Variants in ASH1L observed in about 807,000 individuals in gnomAD.
ASH1L encodes the protein ASH1 like histone lysine methyltransferase.
A neutral mutation model predicts 269.0 loss-of-function variants in ASH1L; 23 were observed. The observed-to-expected ratio is 0.09, with a 90% CI of 0.06 to 0.12. ASH1L has a LOEUF of 0.12. Among genes scored for constraint, ASH1L ranks in the 10% least tolerant of loss-of-function variants. The pLI, the probability that ASH1L is intolerant of heterozygous loss-of-function variation, is 1.00. For missense variants in ASH1L, 2,912 were observed against 3,567.8 expected (o/e 0.82, Z 4.68); for synonymous variants, 1,187 against 1,253.5 (o/e 0.95, Z 1.12).
At chr1:155,431,446 C>T (rs1025703152) in intron 5 of ASH1L, among the ~76,000 whole-genome samples, 6 of 151,858 alleles carry the variant, frequency 4.0e-5, no homozygotes, top group South Asian at 2.1e-4. Flanking sequence ...CGAGCCACCA[C>T]GCTCATTTAA....
intron 4 of ASH1L, among the ~76,000 whole-genome samples, chr1:155,451,585 C>A (rs1663472891): frequency 6.6e-6 from 1 of 152,086 alleles, no homozygotes; most frequent in South Asian, 2.1e-4. Context: ...CATGGCAAAA[C>A]CCCATCTCTA....
chr1:155,358,237 A>C (rs1382435684), intron 13 of ASH1L, among the ~76,000 whole-genome samples: 1 of 152,214 alleles, frequency 6.6e-6, no homozygotes, highest in African/African-American at 2.4e-5. Context: ...ATGATGGATT[A>C]AATTTTAGGA....
rs1665931096 is a variant in ASH1L at position 155,481,146 on chromosome 1, G to A, written c.1724C>T (p.Ser575Phe). The A allele has an allele frequency of 1.2e-6, 2 of 1,614,124 alleles. No homozygotes were observed. Among genetic ancestry groups the A allele is most frequent in the Non-Finnish European group, 1.7e-6 (2 of 1,179,996 alleles). Residue 575 changes from serine to phenylalanine, a missense_variant, in exon 3 of 28, where the codon TCT becomes TTT. Coordinates refer to ENST00000392403, the MANE Select transcript of ASH1L (RefSeq NM_018489.3). Reference protein sequence around the residue: ...NPLTRSPPETSSQLAPNPLLL... With the variant: ...NPLTRSPPETFSQLAPNPLLL... ...TAATGGATTAGGAGCCAACTGTGAA[G>A]AAGTTTCAGGGGGACTTCTGGTTAA...
chr1:155,483,480 A>T (rs1666093847), intron 2 of ASH1L, among the ~76,000 whole-genome samples: 1 of 152,166 alleles, frequency 6.6e-6, no homozygotes, highest in Non-Finnish European at 1.5e-5. Context: ...GAAGTGACAA[A>T]TGAAAAGACA....
chr1:155,495,682 A>T (rs553224086), intron 2 of ASH1L, among the ~76,000 whole-genome samples: 132 of 152,296 alleles, frequency 8.7e-4, no homozygotes, highest in Non-Finnish European at 1.5e-3. Context: ...TTAAATTTTT[A>T]AAAATTTCCC....
At chr1:155,408,565 C>A (rs1659502581) in intron 6 of ASH1L, among the ~76,000 whole-genome samples, 1 of 152,036 alleles carries the variant, frequency 6.6e-6, no homozygotes, top group Admixed American at 6.6e-5. Context: ...AAACAAAAAA[C>A]TAAATCCTCA....
At chr1:155,386,573 T>TCC (rs1571068967) in intron 7 of ASH1L, among the ~76,000 whole-genome samples, 1 of 147,652 alleles carries the variant, frequency 6.8e-6, no homozygotes, top group African/African-American at 2.5e-5. Context: ...TTTTTTTTTT[T>TCC]AGTAGAGACG....
At chr1:155,538,993 G>C (rs1012930801) in intron 1 of ASH1L, among the ~76,000 whole-genome samples, 1 of 152,238 alleles carries the variant, frequency 6.6e-6, no homozygotes, top group East Asian at 1.9e-4. Flanking sequence ...AGGTTACTAT[G>C]ATAGTACACA....
At chr1:155,492,335 G>A (rs1666863841) in intron 2 of ASH1L, among the ~76,000 whole-genome samples, 1 of 152,108 alleles carries the variant, frequency 6.6e-6, no homozygotes, top group African/African-American at 2.4e-5. Flanking sequence ...GAGCCACCAC[G>A]CCCAGTCTTG....
intron 10 of ASH1L, 93 bp downstream of exon 10, chr1:155,378,188 A>G: frequency 4.3e-6 from 4 of 932,052 alleles, no homozygotes; most frequent in Non-Finnish European, 6.6e-6. Context: ...TCTTGAAAAA[A>G]ATCAAAGAGC....
rs145984528 is a variant in ASH1L, at chr1:155,438,809, T to C, written c.5346A>G (p.Leu1782=). ...AACAGCTGCTTGTCAACTTTTCAGA[T>C]AGGAGTGAGATGCTATTATTGCAAG... is the stretch of plus-strand genomic sequence containing the variant. The part of the protein sequence containing the change: ...SDSCNNSISL[L]SEKLTSSCSP... The change falls in exon 5 of 28, where the codon CTA becomes CTG. Residue 1782 remains leucine (L), a synonymous_variant. Transcript: ENST00000392403. The C allele has an allele frequency of 4.1e-3, 6,636 of 1,614,186 alleles. 23 individuals carry two copies. Among genetic ancestry groups the C allele is most frequent in the Non-Finnish European group, 4.6e-3 (5,422 of 1,180,038 alleles).
chr1:155,465,305 A>AC (rs1035163515), intron 3 of ASH1L, among the ~76,000 whole-genome samples: 1 of 151,436 alleles, frequency 6.6e-6, no homozygotes, highest in African/African-American at 2.4e-5. Context: ...AAAAAAAAAA[A>AC]AAAAAAACAG....
rs1425177899 is a variant in ASH1L, at chr1:155,502,902, C to A, written c.420+18198G>T. Among the ~76,000 whole-genome samples, 4 of 152,110 alleles carry A rather than the reference C, an allele frequency of 2.6e-5. No individual in the cohort carries two copies. In the East Asian group the frequency reaches 5.8e-4, roughly 22 times the overall value. ...AGACAAATAGAATTTTTAAGAGTTA[C>A]CAAGTATGCTTAGGAGAATTTCCAT... is the stretch of plus-strand genomic sequence containing the variant. On this transcript the variant is annotated intron_variant, in intron 2 of 27. Coordinates refer to ENST00000392403, the MANE Select transcript of ASH1L (RefSeq NM_018489.3).
intron 4 of ASH1L, among the ~76,000 whole-genome samples, chr1:155,451,207 A>AT (rs994957993): frequency 6.6e-6 from 1 of 151,606 alleles, no homozygotes; most frequent in African/African-American, 2.4e-5. Flanking sequence ...CAAAAAAAAA[A>AT]AAAAAAAGAA....
intron 2 of ASH1L, among the ~76,000 whole-genome samples, chr1:155,492,211 G>C (rs983150565): frequency 2.7e-4 from 41 of 151,102 alleles, no homozygotes; most frequent in African/African-American, 1.0e-3. Context: ...AGAATGCCTG[G>C]CTAATTCTGT....
At chr1:155,522,892 T>C (rs1246897670) in intron 1 of ASH1L, among the ~76,000 whole-genome samples, 2 of 152,168 alleles carry the variant, frequency 1.3e-5, no homozygotes, top group Admixed American at 6.5e-5. Context: ...GGTTTCACCA[T>C]GTTGGCCAGG....
intron 15 of ASH1L, among the ~76,000 whole-genome samples, chr1:155,356,877 C>T (rs570548336): frequency 1.0e-4 from 15 of 150,584 alleles, no homozygotes; most frequent in Non-Finnish European, 2.1e-4. Flanking sequence ...TAGCTTGAGC[C>T]CAGGAGTTTA....
Position 155,480,535 on chromosome 1 carries a change from A to T in ASH1L, c.2335T>A (p.Leu779Met). 1 of 1,614,126 alleles carries T rather than the reference A, an allele frequency of 6.2e-7. No individual in the cohort carries two copies. Among genetic ancestry groups the T allele is most frequent in the South Asian group, 1.1e-5 (1 of 91,076 alleles). Residue 779 changes from leucine (L) to methionine (M), a missense_variant, in exon 3 of 28, where the codon TTG becomes ATG. Leu to Met is a conservative substitution (Grantham distance 15). This residue lies in a region of ASH1L where 715 missense variants were observed against 721.0 expected (regional missense o/e 0.99). Coordinates refer to ENST00000392403, the MANE Select transcript of ASH1L (RefSeq NM_018489.3). ...GCTGTGGATTTGCTCAACTTTGGCA[A>T]TCGGCGTTTAAGGAAGTCATGATCT... ...FVDHDFLKRR[L>M]PKLSKSTAPS...
Position 155,370,810 on chromosome 1 carries a change from T to C in ASH1L, c.6506A>G (p.Tyr2169Cys). 1 of 1,614,230 alleles carries C rather than the reference T, an allele frequency of 6.2e-7. No homozygotes were observed. ...CTGTTCACTGACGACCTCCCCTAGG[T>C]ATTCAATGATGAACTGCCCAGCTTT... ...PLKAGQFIIEYLGEVVSEQEF... is the reference protein window; with the variant it reads ...PLKAGQFIIECLGEVVSEQEF... The change falls in exon 11 of 28, where the codon TAC becomes TGC. Residue 2169 changes from tyrosine to cysteine, a missense_variant. By Grantham distance (194) the Tyr-to-Cys change is radical. This residue lies in a region of ASH1L where 193 missense variants were observed against 311.6 expected (regional missense o/e 0.62). Transcript: ENST00000392403.
Sources: allele counts gnomAD v4.1 joint callset (sites outside exome capture counted in the v4.1 genomes callset), GRCh38; gene constraint gnomAD v4.1.1; regional missense constraint gnomAD v4.1.1; transcripts MANE v1.5; gene names NCBI Gene and HGNC (gene_info 2026-07-23, HGNC 2026-07-21).